ZMYM4: variants seen among roughly 807,000 people sequenced by gnomAD.
ZMYM4 encodes the protein zinc finger MYM-type containing 4.
Under a neutral mutation model 183.2 loss-of-function variants are expected in ZMYM4, and 31 were observed. That is an observed-to-expected ratio of 0.17 (90% CI 0.13 to 0.23). ZMYM4 has a LOEUF of 0.23. ZMYM4 is among the 10% of genes least tolerant of loss of function. The pLI is 1.00. For missense variants in ZMYM4, 1,273 were observed against 1,840.3 expected (o/e 0.69, Z 5.64); for synonymous variants, 592 against 631.2 (o/e 0.94, Z 0.93).
At chr1:35,346,650 C>CAAAAAAAAAAAAAAAAA (rs746472685) in intron 2 of ZMYM4, among the ~76,000 whole-genome samples, 63 of 53,990 alleles carry the variant, frequency 1.2e-3, no homozygotes, top group Non-Finnish European at 2.1e-3. Flanking sequence ...GACTCCATCT[C>CAAAAAAAAAAAAAAAAA]AAAAAAAAAA....
intron 1 of ZMYM4, among the ~76,000 whole-genome samples, chr1:35,284,862 C>T (rs1045770163): frequency 2.0e-5 from 3 of 152,218 alleles, no homozygotes; most frequent in African/African-American, 4.8e-5. Flanking sequence ...GAGAGCTCCA[C>T]TCTCACTACC....
At chr1:35,422,058 GAGAA>G (rs756999174), downstream of ZMYM4, 13 of 152,228 alleles carry the variant, frequency 8.5e-5, no homozygotes, top group Non-Finnish European at 1.3e-4. Context: ...AGCAGTTTCC[GAGAA>G]AGAAATTTTT....
chr1:35,401,965 A>G (rs2149016758), intron 23 of ZMYM4, among the ~76,000 whole-genome samples: 1 of 152,266 alleles, frequency 6.6e-6, no homozygotes, highest in Non-Finnish European at 1.5e-5. Flanking sequence ...ATTGACTTAT[A>G]TGTCTATTTT....
chr1:35,407,354 C>T (rs1645021741), intron 25 of ZMYM4, among the ~76,000 whole-genome samples: 1 of 151,752 alleles, frequency 6.6e-6, no homozygotes, highest in African/African-American at 2.4e-5. Context: ...ATCACTTGAA[C>T]CCGGCGGAGG....
chr1:35,305,132 C>T (rs1337909131), intron 1 of ZMYM4, among the ~76,000 whole-genome samples: 1 of 152,222 alleles, frequency 6.6e-6, no homozygotes, highest in Admixed American at 6.5e-5. Flanking sequence ...GCGTGAGCGA[C>T]TGCGCCCAGC....
At chr1:35,305,347 G>A (rs576581160) in intron 1 of ZMYM4, among the ~76,000 whole-genome samples, 37 of 152,222 alleles carry the variant, frequency 2.4e-4, no homozygotes, top group African/African-American at 8.7e-4. Flanking sequence ...TTTGCTTCAT[G>A]TATTTTGAAG....
chr1:35,371,166 A>C (rs1365372824), intron 7 of ZMYM4, among the ~76,000 whole-genome samples: 2 of 150,168 alleles, frequency 1.3e-5, no homozygotes, highest in Admixed American at 6.7e-5. Flanking sequence ...CCCAGGCTGG[A>C]GTGCAGTGGT....
At chr1:35,304,007 C>A (rs1175925341) in intron 1 of ZMYM4, among the ~76,000 whole-genome samples, 5 of 151,882 alleles carry the variant, frequency 3.3e-5, no homozygotes, top group Middle Eastern at 3.2e-3. Context: ...ATTTATTTTT[C>A]TACTTACATT....
intron 1 of ZMYM4, among the ~76,000 whole-genome samples, chr1:35,290,644 GGT>G (rs1640718130): frequency 6.6e-6 from 1 of 151,906 alleles, no homozygotes; most frequent in Admixed American, 6.6e-5. Context: ...TGCCCAGGCT[GGT>G]CTTGAACTCC....
intron 2 of ZMYM4, among the ~76,000 whole-genome samples, chr1:35,354,706 G>A (rs1260849834): frequency 7.7e-6 from 1 of 129,646 alleles, no homozygotes; most frequent in Non-Finnish European, 1.5e-5. Flanking sequence ...GAGCCTGGGC[G>A]ACAGAGTGAA....
chr1:35,404,062 G>T (rs1644959914), intron 23 of ZMYM4, among the ~76,000 whole-genome samples: 3 of 152,128 alleles, frequency 2.0e-5, no homozygotes, highest in South Asian at 2.1e-4. Context: ...TCCTTTTCTG[G>T]TTTTTTGCTT....
At chr1:35,320,133 G>T (rs1031735887) in intron 1 of ZMYM4, among the ~76,000 whole-genome samples, 3 of 152,218 alleles carry the variant, frequency 2.0e-5, no homozygotes, top group Admixed American at 1.3e-4. Flanking sequence ...AATCTCTGAA[G>T]TGATAAGTGT....
chr1:35,370,962 G>A (rs1644195575), intron 7 of ZMYM4: 1 of 189,364 alleles, frequency 5.3e-6, no homozygotes, highest in Non-Finnish European at 1.1e-5. Context: ...TATAACTATA[G>A]GCAATAGATA....
rs577695483 is a variant in ZMYM4 at position 35,276,441 on chromosome 1, GT to G, written c.39+7358del. Among the ~76,000 whole-genome samples, 195 of 152,164 alleles carry G rather than the reference GT, an allele frequency of 1.3e-3. 3 individuals are homozygous for G. The highest frequency in any genetic ancestry group is 0.011 in the Admixed American group (173 of 15,278). Reference sequence around the variant, plus strand: ...TTTTAACAAGCACAACCACAATACTGTTACGACCTAACAAAAGAGTTCCTTA... The same window carrying G: ...TTTTAACAAGCACAACCACAATACTGTACGACCTAACAAAAGAGTTCCTTA... On this transcript the variant is annotated intron_variant, in intron 1 of 29. Transcript: ENST00000314607.
rs200810022 is a variant in ZMYM4 at position 35,335,239 on chromosome 1, A to AT, written c.85+9847dup. ...ACCACTTGCTTTTATTCCCTATTGC[A>AT]TTTTTTTTTTTTTCCCAGACAGAGT... On this transcript the variant is annotated intron_variant, in intron 2 of 29. Coordinates refer to ENST00000314607, the MANE Select transcript of ZMYM4 (RefSeq NM_005095.3). 2.9e-3 allele frequency among the ~76,000 whole-genome samples: 398 copies of AT among 137,464 alleles called. 1 individual carries two copies. Among genetic ancestry groups the AT allele is most frequent in the African/African-American group, 6.9e-3 (259 of 37,548 alleles). The allele number at this position is 137,464 out of a possible 152,430, so 90.2% of individuals were successfully genotyped here. A position where few individuals can be genotyped will look rare whatever the true frequency, so the allele number is the denominator to read the frequency against.
chr1:35,364,014 G>C (rs1176940116), intron 5 of ZMYM4, among the ~76,000 whole-genome samples: 1 of 152,192 alleles, frequency 6.6e-6, no homozygotes, highest in East Asian at 1.9e-4. Context: ...ACACTGAGAA[G>C]GTTATTAGTA....
intron 5 of ZMYM4, among the ~76,000 whole-genome samples, chr1:35,362,133 C>T (rs989271480): frequency 7.2e-5 from 11 of 152,082 alleles, no homozygotes; most frequent in South Asian, 2.1e-4. Context: ...GGATAGTAAG[C>T]CTTTTGCAGT....
At chr1:35,383,724 T>C (rs1043456674) in intron 9 of ZMYM4, among the ~76,000 whole-genome samples, 1 of 152,192 alleles carries the variant, frequency 6.6e-6, no homozygotes, top group Non-Finnish European at 1.5e-5. Context: ...TTAAATTTAT[T>C]CTTTACTTTT....
intron 2 of ZMYM4, among the ~76,000 whole-genome samples, chr1:35,334,932 G>C (rs748974347): frequency 1.3e-5 from 2 of 152,000 alleles, no homozygotes; most frequent in Non-Finnish European, 2.9e-5. Flanking sequence ...TTATTTCTCG[G>C]AATACTTCGA....
Sources: allele counts gnomAD v4.1 joint callset (sites outside exome capture counted in the v4.1 genomes callset), GRCh38; gene constraint gnomAD v4.1.1; transcripts MANE v1.5; gene names NCBI Gene and HGNC (gene_info 2026-07-23, HGNC 2026-07-21).